The following RIMS1 variants were observed in gnomAD, a reference collection of about 807,000 sequenced individuals.
RIMS1 encodes regulating synaptic membrane exocytosis protein 1.
RIMS1 carries 83 observed loss-of-function variants against 214.1 expected under a neutral mutation model. The ratio of observed to expected loss-of-function variants is 0.39; its 90% confidence interval spans 0.32 to 0.47. RIMS1 has a LOEUF of 0.47. RIMS1 is among the 20% of genes least tolerant of loss of function. The probability of loss-of-function intolerance (pLI) is 0.99; values close to 1 mark genes in which losing one functional copy is unlikely to be tolerated. For missense variants in RIMS1, 2,050 were observed against 2,161.8 expected (o/e 0.95, Z 1.03); for synonymous variants, 793 against 786.8 (o/e 1.01, Z -0.13).
intron 2 of RIMS1, among the ~76,000 whole-genome samples, chr6:72,003,567 A>G (rs1400273899): frequency 6.6e-6 from 1 of 152,032 alleles, no homozygotes; most frequent in Admixed American, 6.6e-5. Context: ...GAAAGAAAAA[A>G]TAATAAAGTT....
chr6:72,288,027 A>G (rs188048789), intron 24 of RIMS1, among the ~76,000 whole-genome samples: 2 of 152,330 alleles, frequency 1.3e-5, no homozygotes, highest in Non-Finnish European at 2.9e-5. Flanking sequence ...ACTTGGACAT[A>G]TGGTTTGTGT....
At position 72,152,728 on chromosome 6, in the gene RIMS1, A is replaced by ATC. The variant is rs1238194951; in HGVS notation, c.472-26846_472-26845insCT. Among the ~76,000 whole-genome samples the ATC allele has an allele frequency of 4.9e-5, 7 of 141,668 alleles. 1 individual carries two copies. Among genetic ancestry groups the ATC allele is most frequent in the Non-Finnish European group, 7.5e-5 (5 of 66,278 alleles). The allele number at this position is 141,668 out of a possible 152,430, so 92.9% of individuals were successfully genotyped here. ...TATGTATATATATGTGAATATATATATATGGAATATATGTATATATATGTA... is the reference window on the plus strand; with the variant it reads ...TATGTATATATATGTGAATATATATATCTATGGAATATATGTATATATATGTA... On this transcript the variant is annotated intron_variant, in intron 4 of 33. Coordinates refer to ENST00000521978, the MANE Select transcript of RIMS1 (RefSeq NM_014989.7).
intron 23 of RIMS1, among the ~76,000 whole-genome samples, chr6:72,277,189 G>A (rs1039415959): frequency 1.3e-5 from 2 of 152,126 alleles, no homozygotes; most frequent in Non-Finnish European, 1.5e-5. Flanking sequence ...AATTTTTAGA[G>A]AACCATTTCT....
At chr6:72,085,989 C>T (rs1009351196) in intron 2 of RIMS1, among the ~76,000 whole-genome samples, 1 of 152,082 alleles carries the variant, frequency 6.6e-6, no homozygotes, top group Non-Finnish European at 1.5e-5. Context: ...GGAAATTGTA[C>T]CCACTAATCT....
In RIMS1 at chr6:72,124,437, G is replaced by C. The variant is rs1178047442; in HGVS notation, c.471+24451G>C. Among the ~76,000 whole-genome samples, 6 of 151,728 alleles carry C rather than the reference G, an allele frequency of 4.0e-5. 1 individual carries two copies. Among genetic ancestry groups the C allele is most frequent in the Admixed American group, 2.0e-4 (3 of 15,202 alleles). Reference sequence around the variant, plus strand: ...CCTTCATTTCAACCTTGGTGAATCTGACAATTATGTGTGTGTCTTGGGGTT... The same window carrying C: ...CCTTCATTTCAACCTTGGTGAATCTCACAATTATGTGTGTGTCTTGGGGTT... On this transcript the variant is annotated intron_variant, in intron 4 of 33. Coordinates refer to ENST00000521978, the MANE Select transcript of RIMS1 (RefSeq NM_014989.7).
intron 29 of RIMS1, among the ~76,000 whole-genome samples, chr6:72,382,220 A>G (rs1405778189): frequency 6.6e-6 from 1 of 152,232 alleles, no homozygotes; most frequent in Non-Finnish European, 1.5e-5. Flanking sequence ...TTTTCTAAAA[A>G]TAATCCTCCA....
chr6:71,932,915 C>T (rs1003264717), intron 1 of RIMS1, among the ~76,000 whole-genome samples: 3 of 152,088 alleles, frequency 2.0e-5, no homozygotes, highest in Admixed American at 6.6e-5. Context: ...TCATTGGGCT[C>T]CTAATATTCC....
At chr6:72,169,632 G>T (rs942502122) in intron 4 of RIMS1, among the ~76,000 whole-genome samples, 1 of 152,136 alleles carries the variant, frequency 6.6e-6, no homozygotes, top group Admixed American at 6.5e-5. Context: ...ATCTGGACAC[G>T]GTGGCACATG....
intron 4 of RIMS1, among the ~76,000 whole-genome samples, chr6:72,133,391 G>A: frequency 6.6e-6 from 1 of 152,130 alleles, no homozygotes; most frequent in East Asian, 1.9e-4. Context: ...TAGCAGATAT[G>A]CTGGGTGACA....
intron 6 of RIMS1, among the ~76,000 whole-genome samples, chr6:72,188,884 A>G (rs2049581930): frequency 6.6e-6 from 1 of 152,236 alleles, no homozygotes; most frequent in Non-Finnish European, 1.5e-5. Context: ...TTGATAGTCC[A>G]GGTCATTCAC....
At chr6:72,050,783 T>C (rs1824422555) in intron 2 of RIMS1, among the ~76,000 whole-genome samples, 1 of 152,142 alleles carries the variant, frequency 6.6e-6, no homozygotes, top group South Asian at 2.1e-4. Context: ...GTTTATGTGG[T>C]AGACTTTTAG....
At chr6:72,253,549 G>A (rs2074401777) in intron 16 of RIMS1, among the ~76,000 whole-genome samples, 1 of 152,122 alleles carries the variant, frequency 6.6e-6, no homozygotes, top group African/African-American at 2.4e-5. Flanking sequence ...ACTAATGAGA[G>A]GAGAAGTAAA....
At chr6:71,921,557 A>C (rs778442792) in intron 1 of RIMS1, among the ~76,000 whole-genome samples, 1 of 152,236 alleles carries the variant, frequency 6.6e-6, no homozygotes, top group African/African-American at 2.4e-5. Flanking sequence ...CCTCTTGCAC[A>C]ATCATACTTA....
intron 22 of RIMS1, among the ~76,000 whole-genome samples, chr6:72,267,266 C>T (rs907933244): frequency 3.9e-5 from 6 of 151,900 alleles, no homozygotes; most frequent in Non-Finnish European, 8.8e-5. Flanking sequence ...TCAAGAGTAG[C>T]AAGAAAATTT....
At chr6:72,213,575 G>GT (rs376244631) in intron 6 of RIMS1, among the ~76,000 whole-genome samples, 109 of 150,880 alleles carry the variant, frequency 7.2e-4, no homozygotes, top group Admixed American at 1.5e-3. Flanking sequence ...TTGTGCATGG[G>GT]TTTTTTTTTC....
chr6:72,073,601 GA>G (rs1410948129), intron 2 of RIMS1, among the ~76,000 whole-genome samples: 1 of 152,110 alleles, frequency 6.6e-6, no homozygotes, highest in Non-Finnish European at 1.5e-5. Context: ...TCTCACTATT[GA>G]AAAATGCCAT....
chr6:72,138,105 T>C (rs1316074142), intron 4 of RIMS1, among the ~76,000 whole-genome samples: 2 of 152,132 alleles, frequency 1.3e-5, no homozygotes, highest in East Asian at 3.8e-4. Flanking sequence ...TATATGTGTA[T>C]AGACGGTTCA....
At chr6:72,019,582 A>T (rs1190455937) in intron 2 of RIMS1, among the ~76,000 whole-genome samples, 1 of 152,134 alleles carries the variant, frequency 6.6e-6, no homozygotes, top group Non-Finnish European at 1.5e-5. Context: ...TCAAATGTGG[A>T]TTTATATTTT....
At chr6:72,150,101 C>T (rs2043316600) in intron 4 of RIMS1, among the ~76,000 whole-genome samples, 1 of 151,790 alleles carries the variant, frequency 6.6e-6, no homozygotes, top group South Asian at 2.1e-4. Context: ...GGTGGTCCCC[C>T]ATCTGAAGTC....
Sources: allele counts gnomAD v4.1 joint callset (sites outside exome capture counted in the v4.1 genomes callset), GRCh38; gene constraint gnomAD v4.1.1; transcripts MANE v1.5; gene names NCBI Gene and HGNC (gene_info 2026-07-23, HGNC 2026-07-21).